SHLD2: variants seen among roughly 807,000 people sequenced by gnomAD.
SHLD2 encodes the protein shieldin complex subunit 2.
A neutral mutation model predicts 73.2 loss-of-function variants in SHLD2; 30 were observed. The observed-to-expected ratio is 0.41, with a 90% CI of 0.31 to 0.56. SHLD2 has a LOEUF of 0.56. Among genes scored for constraint, SHLD2 ranks in the 20% least tolerant of loss-of-function variants. The pLI, the probability that SHLD2 is intolerant of heterozygous loss-of-function variation, is 0.28. For synonymous variants in SHLD2, 285 were observed against 370.1 expected (o/e 0.77, Z 2.64); for missense variants, 745 against 1,055.9 (o/e 0.71, Z 4.08).
chr10:87,120,177 G>A (rs1843507926), intron 2 of SHLD2, among the ~76,000 whole-genome samples: 1 of 152,062 alleles, frequency 6.6e-6, no homozygotes, highest in Non-Finnish European at 1.5e-5. Flanking sequence ...ATATGTAAAA[G>A]AGATTACCAA....
At position 87,190,545 on chromosome 10, in the gene SHLD2, A is replaced by G. The variant is rs1272533514; in HGVS notation, c.2577A>G (p.Ala859=). Residue 859 remains alanine, a synonymous_variant, in exon 10 of 10, where the codon GCA becomes GCG. Transcript: ENST00000298786. ...CAGACCTGTTCCACTCCTTGTTGGC[A>G]GTCAGCGCAGAACCTTGTGTATTAA... ...VVADLFHSLL[A]VSAEPCVLKI... The G allele has an allele frequency of 6.2e-7, 1 of 1,611,984 alleles. No homozygotes were observed.
chr10:87,148,975 C>A (rs1845828371), intron 2 of SHLD2, among the ~76,000 whole-genome samples: 1 of 151,038 alleles, frequency 6.6e-6, no homozygotes, highest in South Asian at 2.1e-4. Context: ...CTCACTGCAA[C>A]CTCCCGGGTT....
At chr10:87,121,050 CA>C (rs930820906) in intron 2 of SHLD2, among the ~76,000 whole-genome samples, 12 of 146,110 alleles carry the variant, frequency 8.2e-5, no homozygotes, top group Admixed American at 2.0e-4. Flanking sequence ...AACTCTGTCT[CA>C]AAAAAAAAAG....
chr10:87,132,679 TG>T, intron 2 of SHLD2, among the ~76,000 whole-genome samples: 1 of 151,858 alleles, frequency 6.6e-6, no homozygotes, highest in East Asian at 1.9e-4. Context: ...GAGTCTGAGG[TG>T]GGAGGATAGC....
intron 3 of SHLD2, among the ~76,000 whole-genome samples, chr10:87,155,029 G>A (rs1312198066): frequency 1.3e-5 from 2 of 152,152 alleles, no homozygotes; most frequent in Admixed American, 1.3e-4. Flanking sequence ...CCGCCTCCCG[G>A]GTTCACGCCA....
intron 2 of SHLD2, among the ~76,000 whole-genome samples, chr10:87,121,668 C>T (rs1843628040): frequency 6.6e-6 from 1 of 151,694 alleles, no homozygotes; most frequent in Non-Finnish European, 1.5e-5. Context: ...CAGGCAGGAA[C>T]ATTGTGAACG....
intron 2 of SHLD2, among the ~76,000 whole-genome samples, chr10:87,129,461 AT>A (rs200875116): frequency 0.034 from 5,103 of 151,670 alleles, 223 homozygotes; most frequent in Admixed American, 0.11. Flanking sequence ...TATTTCACTG[AT>A]TTTTTTTCCT....
chr10:87,173,726 A>T (rs1214748648), intron 6 of SHLD2, among the ~76,000 whole-genome samples: 2 of 152,102 alleles, frequency 1.3e-5, no homozygotes, highest in African/African-American at 2.4e-5. Context: ...CACCATGTAC[A>T]AAATTGAAAG....
intron 9 of SHLD2, among the ~76,000 whole-genome samples, chr10:87,188,053 C>T (rs748796867): frequency 2.4e-4 from 37 of 152,346 alleles, no homozygotes; most frequent in African/African-American, 7.2e-4. Flanking sequence ...TTTCTTTCCA[C>T]GTTCTTGCAC....
At chr10:87,116,991 A>G (rs1390153860) in intron 2 of SHLD2, among the ~76,000 whole-genome samples, 1 of 152,226 alleles carries the variant, frequency 6.6e-6, no homozygotes, top group East Asian at 1.9e-4. Context: ...AAGACTGGAT[A>G]GTGGAATTGA....
chr10:87,124,798 G>A (rs1371595241), intron 2 of SHLD2, among the ~76,000 whole-genome samples: 3 of 146,754 alleles, frequency 2.0e-5, no homozygotes, highest in Non-Finnish European at 3.0e-5. Flanking sequence ...TAGGCTGAGT[G>A]CAATGACATC....
At chr10:87,109,935 T>C (rs1381596968) in intron 2 of SHLD2, among the ~76,000 whole-genome samples, 1 of 152,224 alleles carries the variant, frequency 6.6e-6, no homozygotes, top group Non-Finnish European at 1.5e-5. Context: ...ACATTTGAGT[T>C]CAAAATGTAT....
Position 87,170,958 on chromosome 10 carries a change from A to G in SHLD2, c.1947A>G (p.Gln649=), listed in dbSNP as rs543806968. 340 of 1,538,984 alleles carry G rather than the reference A, an allele frequency of 2.2e-4. 3 individuals are homozygous for G. The East Asian group carries it at 7.5e-3, about 34-fold the overall frequency. Residue 649 remains glutamine, a synonymous_variant, in exon 6 of 10, where the codon CAA becomes CAG. Coordinates refer to ENST00000298786, the MANE Select transcript of SHLD2 (RefSeq NM_001330112.2). ...LWGPGAAWYP[Q]LQRKKGYIWE... ...GTCCTGGAGCAGCCTGGTACCCTCA[A>G]CTTCAAAGGAAAAAAGGTAAATACA...
intron 2 of SHLD2, among the ~76,000 whole-genome samples, chr10:87,105,395 C>T (rs1484580396): frequency 6.6e-6 from 1 of 152,138 alleles, no homozygotes; most frequent in East Asian, 1.9e-4. Context: ...TTATGTTGCG[C>T]TTGCTTCTTA....
At chr10:87,102,446 G>A (rs1032601856) in intron 2 of SHLD2, among the ~76,000 whole-genome samples, 2 of 152,068 alleles carry the variant, frequency 1.3e-5, no homozygotes, top group East Asian at 1.9e-4. Context: ...AGTGGCTCAC[G>A]CCTGTAATCC....
intron 2 of SHLD2, among the ~76,000 whole-genome samples, chr10:87,150,117 T>G (rs1167337601): frequency 7.0e-6 from 1 of 142,260 alleles, no homozygotes; most frequent in African/African-American, 2.7e-5. Flanking sequence ...CAGGCTGGAG[T>G]GCAGTGGCGA....
rs1846080884 is a variant in SHLD2 at position 87,152,405 on chromosome 10, C to T, written c.1051C>T (p.Pro351Ser). The change falls in exon 3 of 10, where the codon CCA becomes TCA. Residue 351 changes from proline (P) to serine (S), a missense_variant. By Grantham distance (74) the Pro-to-Ser change is moderately conservative. Transcript: ENST00000298786. ...TTTCAGTTCTGAAGATGAACTGCCA[C>T]CAAATGAGATACGTATTGAGTTGTG... ...ELFSSEDELP[P>S]NEIRIELCSS... The T allele has an allele frequency of 1.9e-6, 3 of 1,599,078 alleles. No individual in the cohort carries two copies. The highest frequency in any genetic ancestry group is 2.3e-4 in the Middle Eastern group (1 of 4,390).
rs781336605 is a variant in SHLD2 at position 87,151,332 on chromosome 10, A to C, written c.-5-18A>C. ...TATGCTGACAATATATTAATTTTGG[A>C]TTTTTCATTTTTATCAGAAATCATG... On this transcript the variant is annotated intron_variant, in intron 2 of 9. Coordinates refer to ENST00000298786, the MANE Select transcript of SHLD2 (RefSeq NM_001330112.2). 3.4e-6 allele frequency: 5 copies of C among 1,450,908 alleles called. No homozygotes were observed. The East Asian group carries it at 1.1e-4, about 33-fold the overall frequency. 89.9% of individuals were successfully genotyped at this position (1,450,908 alleles called of 1,614,324 possible). A position where few individuals can be genotyped will look rare whatever the true frequency, so the allele number is the denominator to read the frequency against.
chr10:87,116,029 A>G (rs189557006), intron 2 of SHLD2, among the ~76,000 whole-genome samples: 39 of 152,362 alleles, frequency 2.6e-4, no homozygotes, highest in African/African-American at 9.1e-4. Flanking sequence ...TTTAAGAGCC[A>G]TCTGCAATGT....
Sources: allele counts gnomAD v4.1 joint callset (sites outside exome capture counted in the v4.1 genomes callset), GRCh38; gene constraint gnomAD v4.1.1; transcripts MANE v1.5; gene names NCBI Gene and HGNC (gene_info 2026-07-23, HGNC 2026-07-21).